The following SLC45A4 variants were observed in gnomAD, a reference collection of about 807,000 sequenced individuals.
SLC45A4 encodes the protein polyamine-transporter SLC45A4.
SLC45A4 carries 32 observed loss-of-function variants against 63.7 expected under a neutral mutation model. The ratio of observed to expected loss-of-function variants is 0.50; its 90% CI spans 0.38 to 0.67. The LOEUF is 0.67. Among genes scored for constraint, SLC45A4 ranks in the 30% least tolerant of loss-of-function variants. The pLI is 0.00. For missense variants in SLC45A4, 1,027 were observed against 1,157.7 expected, an observed-to-expected ratio of 0.89 and a Z score of 1.64; for synonymous variants, 535 against 510.0, an observed-to-expected ratio of 1.05 and a Z score of -0.66.
chr8:141,223,884 C>T (rs545628752), intron 2 of SLC45A4, among the ~76,000 whole-genome samples: 11 of 152,344 alleles, frequency 7.2e-5, no homozygotes, highest in South Asian at 2.1e-4. Flanking sequence ...ACAGAGGGCT[C>T]GAACACTAGC....
chr8:141,304,983 A>G (rs1171229414), intron 1 of SLC45A4, among the ~76,000 whole-genome samples: 2 of 152,214 alleles, frequency 1.3e-5, no homozygotes, highest in Non-Finnish European at 2.9e-5. Context: ...CAAGGGGTTG[A>G]AAATGACAAT....
intron 1 of SLC45A4, among the ~76,000 whole-genome samples, chr8:141,297,851 C>G (rs1156586526): frequency 6.6e-6 from 1 of 152,100 alleles, no homozygotes; most frequent in East Asian, 1.9e-4. Flanking sequence ...TAAACATTAC[C>G]TCATTTCATT....
At chr8:141,260,644 C>T (rs34135668) in intron 1 of SLC45A4, among the ~76,000 whole-genome samples, 37,207 of 152,086 alleles carry the variant, frequency 0.24, 4,926 homozygotes, top group East Asian at 0.48. Flanking sequence ...ATAAATTCCT[C>T]GACACATACA....
intron 1 of SLC45A4, among the ~76,000 whole-genome samples, chr8:141,281,783 G>A (rs1829957264): frequency 6.6e-6 from 1 of 152,142 alleles, no homozygotes; most frequent in African/African-American, 2.4e-5. Flanking sequence ...TGATATCATT[G>A]GTTTCATTAG....
Position 141,289,810 on chromosome 8 carries a change from A to G in SLC45A4, c.-401+18286T>C, listed in dbSNP as rs139092386. On this transcript the variant is annotated intron_variant, in intron 1 of 8. Transcript: ENST00000517878. ...GCCCAGCCCAGGGAGCACTCCAGGT[A>G]AGGCAAGGCCTCACCACCCTCCAAG... is the stretch of plus-strand genomic sequence containing the variant. 3.3e-3 allele frequency among the ~76,000 whole-genome samples: 500 copies of G among 152,172 alleles called. 3 individuals carry two copies. The highest frequency in any genetic ancestry group is 0.012 in the African/African-American group (486 of 41,508).
intron 1 of SLC45A4, among the ~76,000 whole-genome samples, chr8:141,263,976 G>A (rs1482506593): frequency 6.6e-6 from 1 of 152,166 alleles, no homozygotes; most frequent in Non-Finnish European, 1.5e-5. Flanking sequence ...AAAGCTGGTG[G>A]CCTCCGGGTT....
intron 2 of SLC45A4, among the ~76,000 whole-genome samples, chr8:141,238,052 T>C (rs953895139): frequency 6.6e-6 from 1 of 152,248 alleles, no homozygotes; most frequent in Non-Finnish European, 1.5e-5. Context: ...TCCTGAATGC[T>C]GTCCAGCCCA....
At chr8:141,303,164 AT>A (rs934778079) in intron 1 of SLC45A4, among the ~76,000 whole-genome samples, 2 of 151,158 alleles carry the variant, frequency 1.3e-5, no homozygotes, top group African/African-American at 4.9e-5. Context: ...CATCCGGCTA[AT>A]TTTTTTGTAT....
chr8:141,232,961 C>T (rs759613725), intron 2 of SLC45A4, among the ~76,000 whole-genome samples: 4 of 152,220 alleles, frequency 2.6e-5, no homozygotes, highest in African/African-American at 7.2e-5. Flanking sequence ...GAGGTGACGT[C>T]GCTGAACAGG....
intron 3 of SLC45A4, among the ~76,000 whole-genome samples, chr8:141,221,035 G>C (rs1334450729): frequency 2.6e-5 from 4 of 152,250 alleles, no homozygotes; most frequent in Non-Finnish European, 4.4e-5. Flanking sequence ...AGCTCCCTCC[G>C]CATCAGTGCA....
intron 2 of SLC45A4, among the ~76,000 whole-genome samples, chr8:141,223,221 T>TGTG (rs1826765618): frequency 1.3e-5 from 2 of 152,272 alleles, no homozygotes; most frequent in East Asian, 3.9e-4. Flanking sequence ...TGCACACAAC[T>TGTG]TCAGGAAGGG....
rs1181839343 is a variant in SLC45A4 at position 141,218,693 on chromosome 8, G to A, written c.947C>T (p.Thr316Ile). The A allele has an allele frequency of 3.7e-6, 6 of 1,612,656 alleles. No individual in the cohort carries two copies. Among genetic ancestry groups the A allele is most frequent in the Non-Finnish European group, 4.2e-6 (5 of 1,179,440 alleles). The change falls in exon 5 of 9, where the codon ACC (threonine) becomes ATC (isoleucine). Residue 316 changes from threonine (T) to isoleucine (I), a missense_variant. Transcript: ENST00000517878. ...KSDSALHVPDTALDLEPELLF... is the reference protein window; with the variant it reads ...KSDSALHVPDIALDLEPELLF... ...CAGCTCGGGCTCCAGGTCCAGCGCG[G>A]TGTCCGGCACGTGCAATGCCGAGTC... is the stretch of plus-strand genomic sequence containing the variant.
At chr8:141,230,155 T>G (rs1367081831) in intron 2 of SLC45A4, 1 of 455,816 alleles carries the variant, frequency 2.2e-6, no homozygotes, top group Non-Finnish European at 4.4e-6. Flanking sequence ...GAGTAGACTC[T>G]TGGAAGTAGG....
rs2154613888 is a variant in SLC45A4, at chr8:141,208,886, C to T, written c.*2686G>A. ...TGACTTGTATAGGGAACAAAACCAC[C>T]ACAAATGAGACCAACATTATCCTAG... On this transcript the variant is annotated 3_prime_UTR_variant, in exon 9 of 9. Transcript: ENST00000517878. 1 of 152,448 alleles carries T rather than the reference C, an allele frequency of 6.6e-6. No individual in the cohort carries two copies. The highest frequency in any genetic ancestry group is 2.4e-5 in the African/African-American group (1 of 41,572). 9.4% of individuals were successfully genotyped at this position (152,448 alleles called of 1,614,324 possible).
At chr8:141,303,206 A>C (rs1361333719) in intron 1 of SLC45A4, among the ~76,000 whole-genome samples, 1 of 151,568 alleles carries the variant, frequency 6.6e-6, no homozygotes, top group Non-Finnish European at 1.5e-5. Context: ...CATGTTGTCC[A>C]TGCTGGTCTC....
intron 2 of SLC45A4, among the ~76,000 whole-genome samples, chr8:141,232,757 C>A (rs1827428989): frequency 6.6e-6 from 1 of 151,078 alleles, no homozygotes; most frequent in South Asian, 2.1e-4. Flanking sequence ...CAGGTGAGCA[C>A]TCACAAGCTG....
intron 1 of SLC45A4, among the ~76,000 whole-genome samples, chr8:141,280,584 C>A (rs1342069068): frequency 6.6e-6 from 1 of 152,176 alleles, no homozygotes; most frequent in Non-Finnish European, 1.5e-5. Context: ...TCACTCGGGG[C>A]CCCTGCTATC....
intron 1 of SLC45A4, among the ~76,000 whole-genome samples, chr8:141,305,256 G>A (rs1830863643): frequency 6.6e-6 from 1 of 152,166 alleles, no homozygotes; most frequent in Non-Finnish European, 1.5e-5. Flanking sequence ...GGTGGGGGAG[G>A]TGCAGCCGCT....
At chr8:141,301,028 G>T (rs943167892) in intron 1 of SLC45A4, among the ~76,000 whole-genome samples, 1 of 152,128 alleles carries the variant, frequency 6.6e-6, no homozygotes, top group African/African-American at 2.4e-5. Context: ...TCAGAGAGCC[G>T]CAAGGTCCCC....
Sources: gnomAD v4.1 joint callset for allele counts (sites outside exome capture counted in the v4.1 genomes callset) on GRCh38, gnomAD v4.1.1 for gene constraint, MANE v1.5 for transcripts, NCBI Gene and HGNC (gene_info 2026-07-23, HGNC 2026-07-21) for gene names.